Variants in KIF26A observed in about 807,000 individuals in gnomAD.
KIF26A encodes kinesin family member 26A.
A neutral mutation model predicts 126.0 loss-of-function variants in KIF26A; 74 were observed. The observed-to-expected ratio is 0.59, with a 90% CI of 0.49 to 0.71. The LOEUF (loss-of-function observed/expected upper bound fraction) is 0.71. KIF26A is among the 30% of genes least tolerant of loss of function. The pLI is 0.00. For missense variants in KIF26A, 2,984 were observed against 2,763.3 expected (o/e 1.08, Z -1.79); for synonymous variants, 1,445 against 1,232.7 (o/e 1.17, Z -3.61).
At chr14:104,145,163 G>A (rs562821722) in intron 2 of KIF26A, among the ~76,000 whole-genome samples, 27 of 152,344 alleles carry the variant, frequency 1.8e-4, no homozygotes, top group African/African-American at 4.8e-4. Context: ...TCAGTTTCCC[G>A]CCTGTGAACA....
chr14:104,158,710 G>A (rs1245269717), intron 4 of KIF26A, among the ~76,000 whole-genome samples: 1 of 152,204 alleles, frequency 6.6e-6, no homozygotes, highest in African/African-American at 2.4e-5. Context: ...TGGATGGGGT[G>A]GGCCAGGCAG....
At chr14:104,166,046 A>AT (rs1376290951) in intron 4 of KIF26A, among the ~76,000 whole-genome samples, 1 of 151,852 alleles carries the variant, frequency 6.6e-6, no homozygotes, top group Non-Finnish European at 1.5e-5. Flanking sequence ...GGGTGCAGGA[A>AT]TCCCCCACCC....
intron 5 of KIF26A, among the ~76,000 whole-genome samples, chr14:104,171,430 C>T (rs1596146633): frequency 6.6e-6 from 1 of 152,182 alleles, no homozygotes; most frequent in South Asian, 2.1e-4. Flanking sequence ...GTCCTCTTCT[C>T]ACGGAGGCGC....
Position 104,176,071 on chromosome 14 carries a change from CCCCTGGAGGGGGCAG to C in KIF26A, c.3286_3300del (p.Leu1096_Ala1100del). 6.3e-7 allele frequency: 1 copy of C among 1,595,392 alleles called. No individual in the cohort carries two copies. The highest frequency in any genetic ancestry group is 2.3e-5 in the East Asian group (1 of 44,294). On this transcript the variant is annotated inframe_deletion, in exon 12 of 15. Coordinates refer to ENST00000423312, the MANE Select transcript of KIF26A (RefSeq NM_015656.2). Reference sequence around the variant, plus strand: ...CACCTCTCAGGCCCCTGAGGGGGGGCCCCTGGAGGGGGCAGCCTGGGCCGGCAGCAGTCACGGCTC... The same window carrying C: ...CACCTCTCAGGCCCCTGAGGGGGGGCCCTGGGCCGGCAGCAGTCACGGCTC...
chr14:104,177,769 G>A lies in KIF26A; in HGVS notation c.4981G>A (p.Glu1661Lys). Residue 1661 changes from glutamate (E) to lysine (K), a missense_variant, in exon 12 of 15, where the codon GAG becomes AAG. Glu to Lys is a moderately conservative substitution (Grantham distance 56, BLOSUM62 1). Transcript: ENST00000423312. ...FHHSGGSSGY[E>K]SLRRDSEATG... is the part of the protein sequence containing the mutation. ...CCACAGCGGTGGCAGCAGTGGCTAT[G>A]AGAGCCTGCGGCGCGACAGCGAGGC... The A allele has an allele frequency of 6.5e-7, 1 of 1,548,166 alleles. No homozygotes were observed. Among genetic ancestry groups the A allele is most frequent in the Non-Finnish European group, 8.7e-7 (1 of 1,154,260 alleles).
Position 104,177,183 on chromosome 14 carries a change from G to T in KIF26A, c.4395G>T (p.Leu1465=). 1.3e-6 allele frequency: 2 copies of T among 1,596,538 alleles called. No individual in the cohort carries two copies. The highest frequency in any genetic ancestry group is 1.7e-5 in the Admixed American group (1 of 59,818). Residue 1465 remains leucine, a synonymous_variant, in exon 12 of 15, where the codon CTG becomes CTT. Coordinates refer to ENST00000423312, the MANE Select transcript of KIF26A (RefSeq NM_015656.2). ...GGCCTCCCCGGGCTGTACCCAAGCT[G>T]GGTGTGCCACCCTCCAGCCCCACAC... ...PGRPPRAVPK[L]GVPPSSPTHG...
At chr14:104,178,527 C>T in intron 12 of KIF26A, 23 bp from the exon 13 acceptor site, 1 of 1,433,052 alleles carries the variant, frequency 7.0e-7, no homozygotes, top group Non-Finnish European at 9.2e-7. Context: ...TCTGTTCACC[C>T]TGTGCCCGGC....
chr14:104,141,706 C>T (rs540682995), intron 2 of KIF26A, among the ~76,000 whole-genome samples: 28 of 151,866 alleles, frequency 1.8e-4, no homozygotes, highest in African/African-American at 5.6e-4. Flanking sequence ...TAGAGGGAGG[C>T]GTAGAGGGTC....
In KIF26A at chr14:104,180,736, G is replaced by C. The variant is rs1397910659; in HGVS notation, c.*946G>C. On this transcript the variant is annotated 3_prime_UTR_variant, in exon 15 of 15. Transcript: ENST00000423312. ...TGGGAGGCGCTTCTTGCCAAATGCAGACGAGGGGTGAGCCTGCCAGCGTTT... is the reference window on the plus strand; with the variant it reads ...TGGGAGGCGCTTCTTGCCAAATGCACACGAGGGGTGAGCCTGCCAGCGTTT... 6.5e-6 allele frequency: 1 copy of C among 154,340 alleles called. No individual in the cohort carries two copies. Among genetic ancestry groups the C allele is most frequent in the South Asian group, 2.0e-4 (1 of 4,926 alleles). 9.6% of individuals were successfully genotyped at this position (154,340 alleles called of 1,614,324 possible).
rs2038081785 is a variant in KIF26A at position 104,179,805 on chromosome 14, CAAG to C, written c.*17_*19del. ...TGGACGTCTGAGGCTGGGCGCCGGACAAGAGGAGGGGGCGTGCAGCGGGCTGGA... is the reference window on the plus strand; with the variant it reads ...TGGACGTCTGAGGCTGGGCGCCGGACAGGAGGGGGCGTGCAGCGGGCTGGA... On this transcript the variant is annotated 3_prime_UTR_variant, in exon 15 of 15. Transcript: ENST00000423312. 6.6e-7 allele frequency: 1 copy of C among 1,512,190 alleles called. No individual in the cohort carries two copies. Among genetic ancestry groups the C allele is most frequent in the Non-Finnish European group, 8.9e-7 (1 of 1,129,818 alleles). 93.7% of individuals were successfully genotyped at this position (1,512,190 alleles called of 1,614,324 possible). A position where few individuals can be genotyped will look rare whatever the true frequency, so the allele number is the denominator to read the frequency against.
At chr14:104,157,140 C>A (rs140687023) in intron 3 of KIF26A, among the ~76,000 whole-genome samples, 1 of 152,130 alleles carries the variant, frequency 6.6e-6, no homozygotes, top group Non-Finnish European at 1.5e-5. Context: ...GTGGAGCTCA[C>A]GTTTGCTGGG....
At chr14:104,166,171 G>A (rs1474073665) in intron 4 of KIF26A, among the ~76,000 whole-genome samples, 3 of 138,126 alleles carry the variant, frequency 2.2e-5, no homozygotes, top group East Asian at 1.9e-4. Context: ...CCTGAGTGAC[G>A]AGGGTGGCAG....
chr14:104,177,123 G>A lies in KIF26A; in HGVS notation c.4335G>A (p.Ala1445=), dbSNP rs73360251. The change falls in exon 12 of 15, where the codon GCG becomes GCA. Residue 1445 remains alanine, a synonymous_variant. Transcript: ENST00000423312. ...HASLERYEGL[A]HSSSKGREAP... Reference sequence around the variant, plus strand: ...CTCTGGAGCGGTACGAAGGCCTGGCGCACAGCAGCAGCAAGGGCCGGGAAG... The same window carrying A: ...CTCTGGAGCGGTACGAAGGCCTGGCACACAGCAGCAGCAAGGGCCGGGAAG... 1.0e-3 allele frequency: 1,629 copies of A among 1,597,642 alleles called. 20 individuals carry two copies. The African/African-American group carries it at 0.02, about 19-fold the overall frequency.
chr14:104,143,500 C>A (rs1352609943), intron 2 of KIF26A, among the ~76,000 whole-genome samples: 1 of 152,226 alleles, frequency 6.6e-6, no homozygotes. Flanking sequence ...GCTTTTCGTT[C>A]CTCCTCTGTC....
At position 104,176,891 on chromosome 14, in the gene KIF26A, A is replaced by C; in HGVS notation, c.4103A>C (p.Lys1368Thr). ...GCCCCCCCGGCCCCACCCACGCGGA[A>C]GTCCAGCCTGGAGCAGAGGAGCAGC... ...GAAPPAPPTR[K>T]SSLEQRSSPA... Residue 1368 changes from lysine to threonine, a missense_variant, in exon 12 of 15, where the codon AAG becomes ACG. By Grantham distance (78) the Lys-to-Thr change is moderately conservative. Transcript: ENST00000423312. 1 of 1,541,394 alleles carries C rather than the reference A, an allele frequency of 6.5e-7. No individual in the cohort carries two copies. Among genetic ancestry groups the C allele is most frequent in the Non-Finnish European group, 8.7e-7 (1 of 1,145,730 alleles).
intron 2 of KIF26A, among the ~76,000 whole-genome samples, chr14:104,145,535 T>C (rs1302744078): frequency 2.0e-5 from 3 of 152,226 alleles, no homozygotes; most frequent in East Asian, 1.9e-4. Flanking sequence ...GGACCTGGGA[T>C]GGTCGTGCTT....
intron 4 of KIF26A, among the ~76,000 whole-genome samples, chr14:104,165,880 A>C (rs371143477): frequency 6.9e-6 from 1 of 145,478 alleles, no homozygotes; most frequent in African/African-American, 2.5e-5. Context: ...GTGCGTGTCG[A>C]GGTCCCCTGG....
chr14:104,171,805 G>A lies in KIF26A; in HGVS notation c.1196G>A (p.Arg399Gln), dbSNP rs778226969. Residue 399 changes from arginine (R) to glutamine (Q), a missense_variant, in exon 6 of 15, where the codon CGG becomes CAG. Arg to Gln is a conservative substitution (Grantham distance 43). Coordinates refer to ENST00000423312, the MANE Select transcript of KIF26A (RefSeq NM_015656.2). ...ATGTCCTTCCTGAAGGTGGACCCTC[G>A]GAAGAAGCAGGTGATCCTCTACGAT... ...EAMSFLKVDPRKKQVILYDPA... is the reference protein window; with the variant it reads ...EAMSFLKVDPQKKQVILYDPA... The A allele has an allele frequency of 1.3e-6, 2 of 1,568,494 alleles. No individual in the cohort carries two copies. The highest frequency in any genetic ancestry group is 1.7e-6 in the Non-Finnish European group (2 of 1,157,830).
chr14:104,178,476 G>T (rs1235663818), intron 12 of KIF26A, 74 bp from the exon 13 acceptor site: 8 of 1,172,648 alleles, frequency 6.8e-6, no homozygotes, highest in African/African-American at 1.6e-5. Flanking sequence ...GGCCGGCTCC[G>T]CAGCGTCCCC....
Sources: gnomAD v4.1 joint callset for allele counts (sites outside exome capture counted in the v4.1 genomes callset) on GRCh38, gnomAD v4.1.1 for gene constraint, MANE v1.5 for transcripts, NCBI Gene and HGNC (gene_info 2026-07-23, HGNC 2026-07-21) for gene names.